Variants in LDLRAD4 observed in about 807,000 individuals in gnomAD.
LDLRAD4 encodes low density lipoprotein receptor class A domain containing 4.
Under a neutral mutation model 17.0 loss-of-function variants are expected in LDLRAD4, and 5 were observed. The ratio of observed to expected loss-of-function variants is 0.29; its 90% CI spans 0.15 to 0.62. LDLRAD4 has a LOEUF of 0.62. Among genes scored for constraint, LDLRAD4 ranks in the 20% least tolerant of loss-of-function variants. LDLRAD4 has a pLI of 0.84. For missense variants in LDLRAD4, 340 were observed against 424.7 expected, an observed-to-expected ratio of 0.80 and a Z score of 1.75; for synonymous variants, 168 against 171.8, an observed-to-expected ratio of 0.98 and a Z score of 0.17.
chr18:13,376,558 C>T (rs2084926381), intron 1 of LDLRAD4, among the ~76,000 whole-genome samples: 1 of 152,180 alleles, frequency 6.6e-6, no homozygotes, highest in Non-Finnish European at 1.5e-5. Context: ...CAGGTATACA[C>T]AGGGGCTTCT....
intron 3 of LDLRAD4, 46 bp downstream of exon 4, chr18:13,438,430 G>C (rs2090808044): frequency 6.4e-7 from 1 of 1,563,378 alleles, no homozygotes; most frequent in African/African-American, 1.4e-5. Context: ...ATGTGGTTCT[G>C]AAACGGTTAG....
At chr18:13,276,946 C>T (rs1285115698), upstream of LDLRAD4, among the ~76,000 whole-genome samples, 1 of 152,130 alleles carries the variant, frequency 6.6e-6, no homozygotes, top group African/African-American at 2.4e-5. Context: ...CCTAGGAAGA[C>T]TGGTGAGAGC....
chr18:13,437,327 G>A (rs541766252), intron 2 of LDLRAD4, among the ~76,000 whole-genome samples: 24 of 152,362 alleles, frequency 1.6e-4, no homozygotes, highest in African/African-American at 5.8e-4. Context: ...GCCAGCTTCT[G>A]TGGTTTCCTA....
intron 3 of LDLRAD4, among the ~76,000 whole-genome samples, chr18:13,555,080 T>C (rs565947319): frequency 6.6e-6 from 1 of 152,266 alleles, no homozygotes; most frequent in African/African-American, 2.4e-5. Context: ...AAATACCTGA[T>C]TGTTATTCCT....
intron 2 of LDLRAD4, among the ~76,000 whole-genome samples, chr18:13,397,121 CCTGA>C (rs1270878763): frequency 1.3e-5 from 2 of 152,016 alleles, no homozygotes; most frequent in Non-Finnish European, 2.9e-5. Context: ...GTTGGGTTTG[CCTGA>C]CTTTTATTTT....
rs987962846 is a variant in LDLRAD4, at chr18:13,227,566, G to A, written c.-467+8578G>A. 3.3e-5 allele frequency among the ~76,000 whole-genome samples: 5 copies of A among 152,152 alleles called. 1 individual carries two copies. In the South Asian group the frequency reaches 8.3e-4, roughly 25 times the overall value. On this transcript the variant is annotated intron_variant, in intron 1 of 5. Transcript: ENST00000399848. ...ACCTGGTGGGCCCATGTATTAGTCC[G>A]TTCTCATGCTGCTATGAAGAAATAC...
intron 3 of LDLRAD4, among the ~76,000 whole-genome samples, chr18:13,534,746 G>C (rs989378384): frequency 2.0e-5 from 3 of 151,758 alleles, no homozygotes; most frequent in African/African-American, 7.3e-5. Context: ...GATGAATTTT[G>C]GTAACGACAT....
intron 3 of LDLRAD4, among the ~76,000 whole-genome samples, chr18:13,601,184 G>T (rs933297919): frequency 2.0e-5 from 3 of 152,190 alleles, no homozygotes. Flanking sequence ...TGTCAGCCCT[G>T]TAGAAATATT....
At chr18:13,620,584 G>A (rs1302112719) in intron 3 of LDLRAD4, among the ~76,000 whole-genome samples, 1 of 152,244 alleles carries the variant, frequency 6.6e-6, no homozygotes, top group Non-Finnish European at 1.5e-5. Context: ...TGTGAAGTGT[G>A]TGTCAATGGC....
chr18:13,370,991 G>A (rs1282479328), intron 1 of LDLRAD4, among the ~76,000 whole-genome samples: 1 of 152,112 alleles, frequency 6.6e-6, no homozygotes, highest in Non-Finnish European at 1.5e-5. Context: ...TTATAGGCAT[G>A]AGCCACCACA....
chr18:13,535,640 A>G (rs899566816), intron 3 of LDLRAD4, among the ~76,000 whole-genome samples: 37 of 152,190 alleles, frequency 2.4e-4, no homozygotes, highest in Non-Finnish European at 4.1e-4. Context: ...GTTTTCAAAG[A>G]TGAAGAGCTT....
intron 3 of LDLRAD4, among the ~76,000 whole-genome samples, chr18:13,469,172 C>T (rs182219341): frequency 1.1e-3 from 168 of 152,210 alleles, no homozygotes; most frequent in Admixed American, 2.7e-3. Flanking sequence ...AAAATCAAAA[C>T]CACAATGAGA....
intron 3 of LDLRAD4, chr18:13,515,970 GC>G (rs1328145955): frequency 2.0e-5 from 3 of 152,042 alleles, no homozygotes; most frequent in Non-Finnish European, 4.4e-5. Flanking sequence ...ATGCCACCAT[GC>G]TTGGCTAATT....
At chr18:13,281,454 G>A (rs2045272580) in intron 1 of LDLRAD4, among the ~76,000 whole-genome samples, 1 of 151,844 alleles carries the variant, frequency 6.6e-6, no homozygotes, top group Non-Finnish European at 1.5e-5. Context: ...AAGACAATTG[G>A]AGTTGTCATG....
intron 2 of LDLRAD4, among the ~76,000 whole-genome samples, chr18:13,412,282 GCCTACTATT>G (rs2145713957): frequency 6.6e-6 from 1 of 152,254 alleles, no homozygotes; most frequent in African/African-American, 2.4e-5. Context: ...CCATCACACT[GCCTACTATT>G]CCTAGAGCAT....
At chr18:13,294,223 T>C (rs2046138033) in intron 1 of LDLRAD4, among the ~76,000 whole-genome samples, 2 of 152,184 alleles carry the variant, frequency 1.3e-5, no homozygotes, top group Admixed American at 1.3e-4. Flanking sequence ...AGCTGAGAAG[T>C]GTGCATGGGA....
chr18:13,436,302 A>G (rs1568146587), intron 2 of LDLRAD4, among the ~76,000 whole-genome samples: 1 of 152,238 alleles, frequency 6.6e-6, no homozygotes, highest in Non-Finnish European at 1.5e-5. Flanking sequence ...ATATGAACGA[A>G]TGAATGAGCC....
chr18:13,270,718 C>T (rs768694895), intron 1 of LDLRAD4, among the ~76,000 whole-genome samples: 6 of 152,156 alleles, frequency 3.9e-5, no homozygotes, highest in Non-Finnish European at 7.3e-5. Context: ...CTCAGGGCGT[C>T]GGCAGGTTCC....
chr18:13,500,994 A>G (rs2093605269), intron 3 of LDLRAD4: 1 of 152,108 alleles, frequency 6.6e-6, no homozygotes, highest in Admixed American at 6.5e-5. Flanking sequence ...ACCCGCCCCA[A>G]ACCCATTGTC....
Sources: allele counts gnomAD v4.1 joint callset (sites outside exome capture counted in the v4.1 genomes callset), GRCh38; gene constraint gnomAD v4.1.1; transcripts MANE v1.5; gene names NCBI Gene and HGNC (gene_info 2026-07-23, HGNC 2026-07-21).